Variants in GRID1 observed in about 807,000 individuals in gnomAD.
The protein encoded by GRID1 is glutamate ionotropic receptor delta type subunit 1, also known as glutamate receptor ionotropic, delta-1.
Under a neutral mutation model 98.0 loss-of-function variants are expected in GRID1, and 28 were observed. The ratio of observed to expected loss-of-function variants is 0.29; its 90% CI spans 0.21 to 0.39. The LOEUF is 0.39. Among genes scored for constraint, GRID1 ranks in the 10% least tolerant of loss-of-function variants. GRID1 has a pLI of 1.00. For missense variants in GRID1, 1,111 were observed against 1,340.5 expected, an observed-to-expected ratio of 0.83 and a Z score of 2.67; for synonymous variants, 553 against 538.5, an observed-to-expected ratio of 1.03 and a Z score of -0.37.
At chr10:86,064,069 G>GT (rs549358619) in intron 4 of GRID1, among the ~76,000 whole-genome samples, 6 of 151,642 alleles carry the variant, frequency 4.0e-5, no homozygotes, top group Non-Finnish European at 1.5e-5. Flanking sequence ...TAAATTGTTC[G>GT]TTTTTTTTCC....
chr10:85,604,330 G>A (rs1842625176), intron 15 of GRID1, among the ~76,000 whole-genome samples: 1 of 152,194 alleles, frequency 6.6e-6, no homozygotes, highest in African/African-American at 2.4e-5. Flanking sequence ...CAACTGACAA[G>A]TCATTCCAGG....
intron 4 of GRID1, among the ~76,000 whole-genome samples, chr10:86,133,257 G>C (rs1052275538): frequency 1.3e-5 from 2 of 152,212 alleles, no homozygotes; most frequent in African/African-American, 4.8e-5. Context: ...GCCAGTCTGA[G>C]GGTCTGGTTG....
intron 2 of GRID1, among the ~76,000 whole-genome samples, chr10:86,318,698 T>C (rs1002021050): frequency 1.6e-4 from 24 of 152,188 alleles, no homozygotes; most frequent in Non-Finnish European, 2.8e-4. Context: ...GACCCTACCA[T>C]AGGCAGGGCA....
intron 5 of GRID1, among the ~76,000 whole-genome samples, chr10:85,895,677 C>A (rs1278496532): frequency 6.6e-6 from 1 of 152,190 alleles, no homozygotes; most frequent in Non-Finnish European, 1.5e-5. Context: ...CATCTTCCTG[C>A]AGCCAATATT....
At position 86,102,715 on chromosome 10, in the gene GRID1, G is replaced by A. The variant is rs190191019; in HGVS notation, c.726+36104C>T. Reference sequence around the variant, plus strand: ...CAGGCCTCCCCAGCCATGTGGAACCGTGAATCTATTAAACCTCTTTTTCTG... The same window carrying A: ...CAGGCCTCCCCAGCCATGTGGAACCATGAATCTATTAAACCTCTTTTTCTG... On this transcript the variant is annotated intron_variant, in intron 4 of 15. Coordinates refer to ENST00000327946, the MANE Select transcript of GRID1 (RefSeq NM_017551.3). 5.4e-4 allele frequency among the ~76,000 whole-genome samples: 82 copies of A among 152,342 alleles called. 1 individual carries two copies. Among genetic ancestry groups the A allele is most frequent in the Admixed American group, 2.4e-3 (36 of 15,306 alleles).
chr10:86,299,919 G>A (rs546540894), intron 2 of GRID1, among the ~76,000 whole-genome samples: 9 of 152,262 alleles, frequency 5.9e-5, no homozygotes, highest in African/African-American at 2.2e-4. Flanking sequence ...CCTGGACCTG[G>A]CCCAGTGGAA....
intron 12 of GRID1, among the ~76,000 whole-genome samples, chr10:85,719,472 G>A (rs1282959054): frequency 6.6e-6 from 1 of 152,226 alleles, no homozygotes; most frequent in Non-Finnish European, 1.5e-5. Context: ...CATGGATGGG[G>A]AAGCCTCAGA....
Position 85,599,802 on chromosome 10 carries a change from A to AAAAAAAAAAAAAAAAAAAAATATATAT in GRID1, c.*2470_*2471insATATATATTTTTTTTTTTTTTTTTTTT. ...GTAGAAAATTCTAAAAAAAAAAAAA[A>AAAAAAAAAAAAAAAAAAAAATATATAT]ATATATATATATATATATAAACATG... On this transcript the variant is annotated 3_prime_UTR_variant, in exon 16 of 16. Transcript: ENST00000327946. The AAAAAAAAAAAAAAAAAAAAATATATAT allele has an allele frequency of 1.5e-5, 1 of 64,982 alleles. No homozygotes were observed. Among genetic ancestry groups the AAAAAAAAAAAAAAAAAAAAATATATAT allele is most frequent in the African/African-American group, 9.3e-5 (1 of 10,730 alleles). 4.0% of individuals were successfully genotyped at this position (64,982 alleles called of 1,614,324 possible).
intron 8 of GRID1, among the ~76,000 whole-genome samples, chr10:85,738,255 G>T (rs1478242623): frequency 6.6e-6 from 1 of 152,170 alleles, no homozygotes. Flanking sequence ...AGGAAGACAT[G>T]TGATAGGCCA....
Position 85,723,075 on chromosome 10 carries a change from A to T in GRID1, c.1925T>A (p.Leu642His), listed in dbSNP as rs758657249. Reference protein sequence around the residue: ...IVMGSWWLFTLIVCSSYTANL... With the variant: ...IVMGSWWLFTHIVCSSYTANL... ...GGCTGTGTAGGAGGAGCACACAATGAGCGTGAAGAGCCACCAGCTGCCCAT... is the reference window on the plus strand; with the variant it reads ...GGCTGTGTAGGAGGAGCACACAATGTGCGTGAAGAGCCACCAGCTGCCCAT... Residue 642 changes from leucine (L) to histidine (H), a missense_variant, in exon 12 of 16, where the codon CTC becomes CAC. Leu to His is a moderately conservative substitution (Grantham distance 99, BLOSUM62 -3). Around this residue, in one of 3 missense-constraint regions of GRID1, gnomAD observed 762 missense variants for 869.1 expected, o/e 0.88. Coordinates refer to ENST00000327946, the MANE Select transcript of GRID1 (RefSeq NM_017551.3). The T allele has an allele frequency of 6.2e-7, 1 of 1,612,544 alleles. No individual in the cohort carries two copies. Among genetic ancestry groups the T allele is most frequent in the Non-Finnish European group, 8.5e-7 (1 of 1,179,306 alleles).
At chr10:85,982,102 G>C (rs973871246) in intron 4 of GRID1, among the ~76,000 whole-genome samples, 20 of 151,916 alleles carry the variant, frequency 1.3e-4, no homozygotes, top group African/African-American at 4.4e-4. Flanking sequence ...AAGGCTCCAG[G>C]TGAGTCTGGG....
At chr10:85,634,710 T>A (rs1282065804) in intron 13 of GRID1, among the ~76,000 whole-genome samples, 1 of 152,090 alleles carries the variant, frequency 6.6e-6, no homozygotes, top group Non-Finnish European at 1.5e-5. Flanking sequence ...TGCTCCTGAA[T>A]AAACATTATG....
At chr10:86,128,031 A>T (rs902968261) in intron 4 of GRID1, among the ~76,000 whole-genome samples, 2 of 152,186 alleles carry the variant, frequency 1.3e-5, no homozygotes, top group African/African-American at 4.8e-5. Context: ...AAAAGATGGC[A>T]CTGATAGAAG....
At chr10:86,281,712 G>C (rs1318986043) in intron 2 of GRID1, among the ~76,000 whole-genome samples, 1 of 152,136 alleles carries the variant, frequency 6.6e-6, no homozygotes, top group Non-Finnish European at 1.5e-5. Flanking sequence ...TTGGGCATCA[G>C]GATCAGCTGG....
intron 2 of GRID1, among the ~76,000 whole-genome samples, chr10:86,247,246 C>A (rs553804565): frequency 1.5e-5 from 2 of 131,704 alleles, no homozygotes; most frequent in Admixed American, 1.6e-4. Context: ...GAGGGATGGA[C>A]AGATGGATGG....
At chr10:86,222,317 T>C (rs1232256335) in intron 2 of GRID1, among the ~76,000 whole-genome samples, 1 of 152,116 alleles carries the variant, frequency 6.6e-6, no homozygotes, top group African/African-American at 2.4e-5. Flanking sequence ...GGCTTCCAGG[T>C]GCCTCCCAGC....
At chr10:85,841,108 C>G (rs952689595) in intron 8 of GRID1, among the ~76,000 whole-genome samples, 2 of 152,090 alleles carry the variant, frequency 1.3e-5, no homozygotes, top group Non-Finnish European at 2.9e-5. Context: ...GCTACAGTAA[C>G]CAAATCAGCA....
chr10:86,324,575 G>A (rs1848017226), intron 2 of GRID1, among the ~76,000 whole-genome samples: 1 of 148,018 alleles, frequency 6.8e-6, no homozygotes, highest in African/African-American at 2.4e-5. Context: ...AAGGACACAG[G>A]GCCGCTGTTG....
intron 8 of GRID1, among the ~76,000 whole-genome samples, chr10:85,799,589 G>C (rs181785902): frequency 1.3e-5 from 2 of 152,120 alleles, no homozygotes; most frequent in Admixed American, 6.5e-5. Context: ...TGAACCTAGA[G>C]GACATTACGT....
Sources: allele counts gnomAD v4.1 joint callset (sites outside exome capture counted in the v4.1 genomes callset), GRCh38; gene constraint gnomAD v4.1.1; regional missense constraint gnomAD v4.1.1; transcripts MANE v1.5; gene names NCBI Gene and HGNC (gene_info 2026-07-23, HGNC 2026-07-21).